The following STAT5A variants were observed in gnomAD, a reference collection of about 807,000 sequenced individuals.
STAT5A encodes signal transducer and activator of transcription 5A.
A neutral mutation model predicts 100.2 loss-of-function variants in STAT5A; 26 were observed. The ratio of observed to expected loss-of-function variants is 0.26; its 90% confidence interval spans 0.19 to 0.36. STAT5A has a LOEUF of 0.36. Ranked by LOEUF, STAT5A falls within the 10% of genes least tolerant of loss-of-function variation. The pLI is 1.00. For synonymous variants in STAT5A, 330 were observed against 424.3 expected, an observed-to-expected ratio of 0.78 and a Z score of 2.73; for missense variants, 634 against 1,027.5, an observed-to-expected ratio of 0.62 and a Z score of 5.24.
Position 42,310,495 on chromosome 17 carries a change from TG to T in STAT5A, c.2223-11del. 1 of 1,613,954 alleles carries T rather than the reference TG, an allele frequency of 6.2e-7. No individual in the cohort carries two copies. ...ATGCCAGCTCCCTCTGACATCCCCC[TG>T]TCTTTACCAGCCCTGACCATGTACT... On this transcript the variant is annotated splice_polypyrimidine_tract_variant and intron_variant, in intron 18 of 18. Coordinates refer to ENST00000590949, the MANE Select transcript of STAT5A (RefSeq NM_001288718.2).
rs940154056 is a variant in STAT5A, at chr17:42,308,070, G to C, written c.1907-108G>C. 6.8e-7 allele frequency: 1 copy of C among 1,459,986 alleles called. No individual in the cohort carries two copies. Among genetic ancestry groups the C allele is most frequent in the Non-Finnish European group, 9.3e-7 (1 of 1,076,002 alleles). 90.4% of individuals were successfully genotyped at this position (1,459,986 alleles called of 1,614,324 possible). A position where few individuals can be genotyped will look rare whatever the true frequency, so the allele number is the denominator to read the frequency against. On this transcript the variant is annotated intron_variant, in intron 15 of 18. Transcript: ENST00000590949. This position sits in a 1 kb window ranked among gnomAD's most constrained non-coding sequence, Gnocchi z 4.6. ...CCTACAGGCTGGGGCTGCAGCGCAA[G>C]CTACTATATAAAAGCCCAGATTTCT...
chr17:42,289,385 C>T lies in STAT5A; in HGVS notation c.-10-17C>T, dbSNP rs759002296. ...GCCTCTGCAGAGGAGAGCGCTTCAG[C>T]GCTCGGCTCGCCCTAGGTGAACGGC... On this transcript the variant is annotated splice_polypyrimidine_tract_variant and intron_variant, in intron 1 of 18. Coordinates refer to ENST00000590949, the MANE Select transcript of STAT5A (RefSeq NM_001288718.2). 3 of 1,593,102 alleles carry T rather than the reference C, an allele frequency of 1.9e-6. No individual in the cohort carries two copies. In the South Asian group the frequency reaches 3.4e-5, roughly 18 times the overall value.
At chr17:42,309,227 T>TC (rs2081057453) in intron 17 of STAT5A, 129 bp downstream of exon 17, 1 of 1,555,942 alleles carries the variant, frequency 6.4e-7, no homozygotes, top group African/African-American at 1.4e-5. Flanking sequence ...GGGGAGGGAG[T>TC]CCCCTCTCCT....
At position 42,304,270 on chromosome 17, in the gene STAT5A, C is replaced by T; in HGVS notation, c.1170-72C>T. Reference sequence around the variant, plus strand: ...GGGCTGACCTGAGCGAAGACCCCAGCCCGAGGTGTGGACAGGACCATGCTC... The same window carrying T: ...GGGCTGACCTGAGCGAAGACCCCAGTCCGAGGTGTGGACAGGACCATGCTC... On this transcript the variant is annotated intron_variant, in intron 9 of 18. Transcript: ENST00000590949. This position sits in a 1 kb window ranked among gnomAD's most constrained non-coding sequence, Gnocchi z 4.8. 1 of 1,475,562 alleles carries T rather than the reference C, an allele frequency of 6.8e-7. No individual in the cohort carries two copies. Among genetic ancestry groups the T allele is most frequent in the Non-Finnish European group, 9.4e-7 (1 of 1,060,384 alleles). The allele number at this position is 1,475,562 out of a possible 1,614,324, so 91.4% of individuals were successfully genotyped here.
intron 1 of STAT5A, 194 bp from the exon 2 acceptor site, chr17:42,289,208 G>A (rs1188599683): frequency 5.7e-6 from 3 of 521,810 alleles, no homozygotes; most frequent in Non-Finnish European, 6.4e-6. Flanking sequence ...CCCCTTCAGC[G>A]GGTTCCTTGT....
chr17:42,291,352 C>G (rs573517740), intron 3 of STAT5A, among the ~76,000 whole-genome samples: 35 of 152,234 alleles, frequency 2.3e-4, no homozygotes, highest in Non-Finnish European at 4.7e-4. Context: ...AACAGACCAC[C>G]GACCTGTACC....
chr17:42,289,092 A>C, intron 1 of STAT5A: 1 of 261,576 alleles, frequency 3.8e-6, no homozygotes, highest in Non-Finnish European at 7.2e-6. Flanking sequence ...CCCGCCGTCA[A>C]GTTTCTCTTT....
intron 9 of STAT5A, among the ~76,000 whole-genome samples, chr17:42,302,136 A>G (rs1308310553): frequency 6.6e-6 from 1 of 152,206 alleles, no homozygotes; most frequent in East Asian, 1.9e-4. Flanking sequence ...ATGGCACTCT[A>G]CCCTGGGCAA....
intron 1 of STAT5A, chr17:42,289,095 T>G: frequency 3.7e-6 from 1 of 267,612 alleles, no homozygotes; most frequent in Non-Finnish European, 7.0e-6. Flanking sequence ...GCCGTCAAGT[T>G]TCTCTTTCAG....
chr17:42,308,129 G>T lies in STAT5A; in HGVS notation c.1907-49G>T. 14 of 1,602,192 alleles carry T rather than the reference G, an allele frequency of 8.7e-6. No individual in the cohort carries two copies. Among genetic ancestry groups the T allele is most frequent in the Non-Finnish European group, 1.2e-5 (14 of 1,172,130 alleles). ...CCTGCCCTAAAGCCCCACAACCTTG[G>T]TCCTCCTGCTGCTGGTGGATTATGG... On this transcript the variant is annotated intron_variant, in intron 15 of 18. Coordinates refer to ENST00000590949, the MANE Select transcript of STAT5A (RefSeq NM_001288718.2). This position sits in a 1 kb window ranked among gnomAD's most constrained non-coding sequence, Gnocchi z 4.6.
At position 42,310,588 on chromosome 17, in the gene STAT5A, AC is replaced by A; in HGVS notation, c.2305del (p.Arg769AlafsTer47). 6.2e-7 allele frequency: 1 copy of A among 1,614,196 alleles called. No individual in the cohort carries two copies. The highest frequency in any genetic ancestry group is 8.5e-7 in the Non-Finnish European group (1 of 1,180,040). On this transcript the variant is annotated frameshift_variant, in exon 19 of 19. Coordinates refer to ENST00000590949, the MANE Select transcript of STAT5A (RefSeq NM_001288718.2). LOFTEE classifies it low-confidence loss of function (END_TRUNC). Reference protein sequence around the residue: ...DVARHVEELLRRPMDSLDSRL... With the variant: ...DVARHVEELLXRPMDSLDSRL... ...TGGCCAGGCACGTGGAGGAACTCTT[AC>A]GCCGACCAATGGACAGTCTTGACTC... is the stretch of plus-strand genomic sequence containing the variant.
At position 42,304,472 on chromosome 17, in the gene STAT5A, C is replaced by CTGAG. The variant is rs1486539540; in HGVS notation, c.1257+45_1257+48dup. 2 of 1,614,050 alleles carry CTGAG rather than the reference C, an allele frequency of 1.2e-6. No individual in the cohort carries two copies. The highest frequency in any genetic ancestry group is 8.5e-7 in the Non-Finnish European group (1 of 1,179,990). ...CCTCGGAGGGCAGGTCTGCCCAGAGCTGAGTCCTTGTAAGCAGCCGCCATC... is the reference window on the plus strand; with the variant it reads ...CCTCGGAGGGCAGGTCTGCCCAGAGCTGAGTGAGTCCTTGTAAGCAGCCGCCATC... On this transcript the variant is annotated intron_variant, in intron 10 of 18. Transcript: ENST00000590949. The surrounding 1 kb of genome is among the most constrained non-coding windows in gnomAD (Gnocchi z 4.8).
intron 5 of STAT5A, among the ~76,000 whole-genome samples, chr17:42,299,041 C>G (rs1204786776): frequency 6.6e-6 from 1 of 152,086 alleles, no homozygotes; most frequent in African/African-American, 2.4e-5. Context: ...TGGGCCCCTT[C>G]CAGCCCCTCA....
At chr17:42,305,501 TC>T in intron 11 of STAT5A, 108 bp from the exon 12 acceptor site, 2 of 899,692 alleles carry the variant, frequency 2.2e-6, no homozygotes, top group Non-Finnish European at 3.4e-6. Flanking sequence ...AAACTCCATA[TC>T]AAAAAAAAAA....
At chr17:42,291,488 G>A (rs1218656352) in intron 3 of STAT5A, among the ~76,000 whole-genome samples, 1 of 152,086 alleles carries the variant, frequency 6.6e-6, no homozygotes, top group Admixed American at 6.5e-5. Flanking sequence ...AGGCCGAGGC[G>A]GGTGGATCAC....
Position 42,310,489 on chromosome 17 carries a change from TC to T in STAT5A, c.2223-13del. 6.2e-7 allele frequency: 1 copy of T among 1,613,594 alleles called. No individual in the cohort carries two copies. Among genetic ancestry groups the T allele is most frequent in the Non-Finnish European group, 8.5e-7 (1 of 1,179,666 alleles). The stretch of plus-strand genomic sequence containing the variant: ...TGAGACATGCCAGCTCCCTCTGACA[TC>T]CCCCTGTCTTTACCAGCCCTGACCA... On this transcript the variant is annotated splice_polypyrimidine_tract_variant and intron_variant, in intron 18 of 18. Coordinates refer to ENST00000590949, the MANE Select transcript of STAT5A (RefSeq NM_001288718.2).
In STAT5A at chr17:42,293,581, C is replaced by T. The variant is rs78270978; in HGVS notation, c.375+1520C>T. The stretch of plus-strand genomic sequence containing the variant: ...ATTTATTGAGGTCTTACTGTGTGTC[C>T]GATGCTGGGCTATCATCAGAGAAAC... On this transcript the variant is annotated intron_variant, in intron 4 of 18. Coordinates refer to ENST00000590949, the MANE Select transcript of STAT5A (RefSeq NM_001288718.2). Among the ~76,000 whole-genome samples the T allele has an allele frequency of 3.5e-3, 528 of 152,248 alleles. 3 individuals carry two copies. Among genetic ancestry groups the T allele is most frequent in the African/African-American group, 0.012 (506 of 41,540 alleles).
chr17:42,294,635 G>T (rs114347611), intron 4 of STAT5A, among the ~76,000 whole-genome samples: 1 of 152,218 alleles, frequency 6.6e-6, no homozygotes, highest in South Asian at 2.1e-4. Flanking sequence ...AGGAGGATCT[G>T]ATGCCAGAAT....
intron 4 of STAT5A, among the ~76,000 whole-genome samples, chr17:42,292,948 G>A (rs539893361): frequency 6.6e-6 from 1 of 152,180 alleles, no homozygotes; most frequent in South Asian, 2.1e-4. Flanking sequence ...CTTGTAAAAT[G>A]GAGATAGCAA....
Sources: gnomAD v4.1 joint callset for allele counts (sites outside exome capture counted in the v4.1 genomes callset) on GRCh38, gnomAD v4.1.1 for gene constraint, Gnocchi (gnomAD v3.1) non-coding constraint, MANE v1.5 for transcripts, NCBI Gene and HGNC (gene_info 2026-07-23, HGNC 2026-07-21) for gene names.